Variants in MCC observed in about 807,000 individuals in gnomAD.
MCC encodes MCC regulator of Wnt signaling pathway.
MCC carries 90 observed loss-of-function variants against 116.2 expected under a neutral mutation model. That is an observed-to-expected ratio of 0.77 (90% CI 0.65 to 0.92). The LOEUF is 0.92. Ranked by LOEUF, MCC falls within the 40% of genes least tolerant of loss-of-function variation. The pLI, the probability that MCC is intolerant of heterozygous loss-of-function variation, is 0.00. For missense variants in MCC, 1,516 were observed against 1,312.2 expected (o/e 1.16, Z -2.40); for synonymous variants, 578 against 510.5 (o/e 1.13, Z -1.78).
Position 113,284,765 on chromosome 5 carries a change from T to G in MCC, c.627+55754A>C, listed in dbSNP as rs145662415. On this transcript the variant is annotated intron_variant, in intron 3 of 18. Coordinates refer to ENST00000408903, the MANE Select transcript of MCC (RefSeq NM_001085377.2). ...GGCAATTTTCTGGTCATAATCTGAC[T>G]GCCAAGTAGTTTTTCAATAGGAAAT... is the stretch of plus-strand genomic sequence containing the variant. Among the ~76,000 whole-genome samples, 312 of 152,356 alleles carry G rather than the reference T, an allele frequency of 2.0e-3. 6 individuals are homozygous for G. The East Asian group carries it at 0.053, about 26-fold the overall frequency.
intron 1 of MCC, among the ~76,000 whole-genome samples, chr5:113,391,215 G>A (rs1285804749): frequency 6.6e-6 from 1 of 152,132 alleles, no homozygotes; most frequent in Non-Finnish European, 1.5e-5. Context: ...AGACACAAAA[G>A]AGATGGGAGC....
chr5:113,061,968 T>C (rs960838406), intron 14 of MCC, among the ~76,000 whole-genome samples: 9 of 152,252 alleles, frequency 5.9e-5, no homozygotes, highest in Non-Finnish European at 1.3e-4. Flanking sequence ...TGGGACTTTA[T>C]TCTAAACCCA....
chr5:113,093,944 G>C (rs1755830279), intron 8 of MCC, among the ~76,000 whole-genome samples: 1 of 152,184 alleles, frequency 6.6e-6, no homozygotes, highest in Non-Finnish European at 1.5e-5. Flanking sequence ...AATGGAGCTG[G>C]TTGAGATGAG....
In MCC at chr5:113,081,201, G is replaced by C. The variant is rs1469669948; in HGVS notation, c.1784+1659C>G. Among the ~76,000 whole-genome samples the C allele has an allele frequency of 2.0e-5, 3 of 152,168 alleles. No homozygotes were observed. In the South Asian group the frequency reaches 6.2e-4, roughly 32 times the overall value. ...GGTAGCTTATTTCTAAGAACCCCCA[G>C]GTTCCCGCAGCAGCTAGGATCACAG... On this transcript the variant is annotated intron_variant, in intron 11 of 18. Coordinates refer to ENST00000408903, the MANE Select transcript of MCC (RefSeq NM_001085377.2).
chr5:113,373,568 G>T (rs1027339477), intron 2 of MCC, among the ~76,000 whole-genome samples: 3 of 152,114 alleles, frequency 2.0e-5, no homozygotes, highest in African/African-American at 7.2e-5. Flanking sequence ...GGTGGGGGAA[G>T]GTTTACAGTT....
chr5:113,054,490 C>T (rs1291532495), intron 14 of MCC, among the ~76,000 whole-genome samples: 2 of 152,254 alleles, frequency 1.3e-5, no homozygotes, highest in African/African-American at 2.4e-5. Flanking sequence ...ATGGCATGAT[C>T]CACAGATGCG....
At chr5:113,040,719 T>C (rs540936753) in intron 17 of MCC, among the ~76,000 whole-genome samples, 8 of 152,326 alleles carry the variant, frequency 5.3e-5, no homozygotes, top group South Asian at 4.1e-4. Flanking sequence ...TACAGTATCA[T>C]TATGTTATTT....
intron 1 of MCC, among the ~76,000 whole-genome samples, chr5:113,395,820 G>A (rs958268339): frequency 3.3e-5 from 5 of 151,912 alleles, no homozygotes; most frequent in Admixed American, 2.0e-4. Flanking sequence ...CTTCATAATT[G>A]CCTGGGGTGA....
intron 17 of MCC, among the ~76,000 whole-genome samples, chr5:113,040,650 C>T (rs1393575202): frequency 6.6e-6 from 1 of 152,160 alleles, no homozygotes; most frequent in Non-Finnish European, 1.5e-5. Context: ...AACTGCAGCC[C>T]TGAGGTGTGT....
At chr5:113,076,683 C>G (rs12653556) in intron 11 of MCC, among the ~76,000 whole-genome samples, 5 of 152,136 alleles carry the variant, frequency 3.3e-5, no homozygotes, top group Non-Finnish European at 5.9e-5. Flanking sequence ...AAGGAACAAC[C>G]GGTACCAGCC....
intron 1 of MCC, among the ~76,000 whole-genome samples, chr5:113,458,677 T>C (rs1771651166): frequency 6.6e-6 from 1 of 152,200 alleles, no homozygotes; most frequent in South Asian, 2.1e-4. Flanking sequence ...GCTGCTTGTA[T>C]AGGCTAGCAT....
chr5:113,179,278 T>G (rs1170640401), intron 3 of MCC, among the ~76,000 whole-genome samples: 1 of 152,124 alleles, frequency 6.6e-6, no homozygotes, highest in South Asian at 2.1e-4. Context: ...GTAGGGCAAG[T>G]GTTTTACTCA....
At chr5:113,419,928 G>A (rs1370418333) in intron 1 of MCC, among the ~76,000 whole-genome samples, 4 of 149,452 alleles carry the variant, frequency 2.7e-5, no homozygotes, top group East Asian at 2.0e-4. Context: ...GCTAAATGAC[G>A]AGTTAATGGG....
At position 113,064,126 on chromosome 5, in the gene MCC, G is replaced by C. The variant is rs753000893; in HGVS notation, c.2071C>G (p.Arg691Gly). The stretch of plus-strand genomic sequence containing the variant: ...GCTGTCTTCCGGCAGTCATGAGCTC[G>C]CTTGAGCATCTGAGTGATGTTTTCA... ...GDENITQMLK[R>G]AHDCRKTAEN... is the part of the protein sequence containing the mutation. The change falls in exon 14 of 19, where the codon CGA becomes GGA. Residue 691 changes from arginine (R) to glycine (G), a missense_variant. Coordinates refer to ENST00000408903, the MANE Select transcript of MCC (RefSeq NM_001085377.2). 6.8e-6 allele frequency: 11 copies of C among 1,613,804 alleles called. No homozygotes were observed. The East Asian group carries it at 2.5e-4, about 36-fold the overall frequency.
intron 3 of MCC, among the ~76,000 whole-genome samples, chr5:113,290,753 TAA>T (rs1251868778): frequency 1.3e-5 from 2 of 152,190 alleles, no homozygotes; most frequent in African/African-American, 4.8e-5. Flanking sequence ...TAATGCTGCT[TAA>T]AGTGTGGCCA....
intron 3 of MCC, among the ~76,000 whole-genome samples, chr5:113,166,406 A>G (rs1760768092): frequency 6.6e-6 from 1 of 152,258 alleles, no homozygotes; most frequent in Non-Finnish European, 1.5e-5. Flanking sequence ...GTACAGCGGT[A>G]GAAAAAATGT....
chr5:113,455,741 C>T (rs1278186265), intron 1 of MCC, among the ~76,000 whole-genome samples: 1 of 152,158 alleles, frequency 6.6e-6, no homozygotes, highest in Non-Finnish European at 1.5e-5. Flanking sequence ...CAAATATGAG[C>T]AATCATACTA....
intron 8 of MCC, among the ~76,000 whole-genome samples, chr5:113,087,346 G>A (rs1755268396): frequency 6.6e-6 from 1 of 152,174 alleles, no homozygotes; most frequent in Non-Finnish European, 1.5e-5. Flanking sequence ...CGATGGAAAC[G>A]CTTGCTGTCC....
At chr5:113,217,321 T>C (rs945384521) in intron 3 of MCC, among the ~76,000 whole-genome samples, 11 of 152,340 alleles carry the variant, frequency 7.2e-5, no homozygotes, top group African/African-American at 2.4e-4. Flanking sequence ...GAATTTACCA[T>C]AATTTGTTTT....
Sources: allele counts gnomAD v4.1 joint callset (sites outside exome capture counted in the v4.1 genomes callset), GRCh38; gene constraint gnomAD v4.1.1; transcripts MANE v1.5; gene names NCBI Gene and HGNC (gene_info 2026-07-23, HGNC 2026-07-21).